Variants in ARMC9 observed in about 807,000 individuals in gnomAD.
ARMC9 encodes the protein lisH domain-containing protein ARMC9.
A neutral mutation model predicts 107.0 loss-of-function variants in ARMC9; 94 were observed. That is an observed-to-expected ratio of 0.88 (90% CI 0.74 to 1.04). The LOEUF is 1.04. Among genes scored for constraint, ARMC9 ranks in the 50% least tolerant of loss-of-function variants. ARMC9 has a pLI of 0.00. For synonymous variants in ARMC9, 380 were observed against 396.9 expected (o/e 0.96, Z 0.51); for missense variants, 942 against 1,030.1 (o/e 0.91, Z 1.17).
intron 19 of ARMC9, among the ~76,000 whole-genome samples, chr2:231,322,061 T>C (rs1234175992): frequency 6.6e-6 from 1 of 152,262 alleles, no homozygotes; most frequent in Admixed American, 6.5e-5. Flanking sequence ...GTTTCTGTCA[T>C]ATCCTTATTT....
At chr2:231,313,014 A>G (rs891158772) in intron 19 of ARMC9, among the ~76,000 whole-genome samples, 4 of 152,170 alleles carry the variant, frequency 2.6e-5, no homozygotes, top group Non-Finnish European at 5.9e-5. Context: ...GCCCAGGTCT[A>G]TTCTATATCC....
rs1260716831 is a variant in ARMC9, at chr2:231,374,253, A to G, written c.*2718A>G. ...GCCCTTGAAAACTACCAAGGAAGCC[A>G]CAGAGAGGGATCTTTGGACCTTCTG... On this transcript the variant is annotated 3_prime_UTR_variant, in exon 25 of 25. Coordinates refer to ENST00000611582, the MANE Select transcript of ARMC9 (RefSeq NM_001352754.2). 1.3e-5 allele frequency: 2 copies of G among 152,202 alleles called. No individual in the cohort carries two copies. Among genetic ancestry groups the G allele is most frequent in the Non-Finnish European group, 2.9e-5 (2 of 68,034 alleles). 9.4% of individuals were successfully genotyped at this position (152,202 alleles called of 1,614,324 possible). A position where few individuals can be genotyped will look rare whatever the true frequency, so the allele number is the denominator to read the frequency against.
chr2:231,260,855 A>G (rs537189438), intron 11 of ARMC9, among the ~76,000 whole-genome samples: 3 of 152,240 alleles, frequency 2.0e-5, no homozygotes, highest in Non-Finnish European at 4.4e-5. Flanking sequence ...CAGAATAACC[A>G]GGAAAAGTGA....
chr2:231,205,079 G>A (rs1275634185), intron 1 of ARMC9, among the ~76,000 whole-genome samples: 8 of 151,980 alleles, frequency 5.3e-5, no homozygotes, highest in African/African-American at 1.7e-4. Context: ...AGACTCAGAA[G>A]AGATCTGACT....
chr2:231,215,735 G>C (rs944973705), intron 4 of ARMC9, among the ~76,000 whole-genome samples: 1 of 152,172 alleles, frequency 6.6e-6, no homozygotes, highest in East Asian at 1.9e-4. Context: ...TATGGACCAA[G>C]GTGAACACAT....
chr2:231,365,544 A>G (rs2045779818), intron 23 of ARMC9, among the ~76,000 whole-genome samples: 1 of 152,184 alleles, frequency 6.6e-6, no homozygotes, highest in Non-Finnish European at 1.5e-5. Context: ...GAGGGTTCAT[A>G]ACCGGCTCTC....
intron 23 of ARMC9, among the ~76,000 whole-genome samples, chr2:231,369,456 G>T (rs554678399): frequency 1.3e-5 from 2 of 151,666 alleles, no homozygotes; most frequent in African/African-American, 4.8e-5. Flanking sequence ...CCATGCCTGG[G>T]TAATTTTTGT....
chr2:231,370,252 G>A, intron 24 of ARMC9, 127 bp downstream of exon 24: 3 of 1,116,980 alleles, frequency 2.7e-6, no homozygotes, highest in Non-Finnish European at 3.6e-6. Flanking sequence ...AGGGCAGAAG[G>A]CCTGCTTCCC....
intron 1 of ARMC9, among the ~76,000 whole-genome samples, chr2:231,205,309 G>C (rs1053402009): frequency 2.6e-5 from 4 of 152,050 alleles, no homozygotes; most frequent in Non-Finnish European, 5.9e-5. Flanking sequence ...GTTTTAGCTT[G>C]CAGTGAGCTA....
chr2:231,311,940 C>A (rs1035348698), intron 19 of ARMC9, among the ~76,000 whole-genome samples: 5 of 152,028 alleles, frequency 3.3e-5, no homozygotes, highest in African/African-American at 1.2e-4. Context: ...CACCACCCAC[C>A]CCCTCAAGTT....
At chr2:231,361,294 C>T (rs2045567357) in intron 23 of ARMC9, among the ~76,000 whole-genome samples, 1 of 151,970 alleles carries the variant, frequency 6.6e-6, no homozygotes, top group Non-Finnish European at 1.5e-5. Flanking sequence ...GAGGTCACTT[C>T]CTGAAACAGA....
intron 1 of ARMC9, among the ~76,000 whole-genome samples, chr2:231,204,099 A>G (rs2031567415): frequency 6.7e-6 from 1 of 149,836 alleles, no homozygotes; most frequent in African/African-American, 2.5e-5. Flanking sequence ...GCTTGAGTCC[A>G]GGAGTTTGAG....
At chr2:231,309,908 C>T (rs970929894) in intron 19 of ARMC9, among the ~76,000 whole-genome samples, 1 of 152,064 alleles carries the variant, frequency 6.6e-6, no homozygotes, top group Non-Finnish European at 1.5e-5. Flanking sequence ...TCTGTTTACT[C>T]AAATTGAGCC....
chr2:231,251,997 AT>A (rs1431456437), intron 9 of ARMC9, among the ~76,000 whole-genome samples: 3 of 152,132 alleles, frequency 2.0e-5, no homozygotes, highest in Non-Finnish European at 2.9e-5. Context: ...AGCTTTGTTT[AT>A]TTTATTAGAT....
chr2:231,340,812 C>T (rs888353661), intron 20 of ARMC9, among the ~76,000 whole-genome samples: 8 of 152,130 alleles, frequency 5.3e-5, no homozygotes, highest in South Asian at 2.1e-4. Flanking sequence ...CGCTTGAACC[C>T]GGGAGACGGA....
chr2:231,345,204 T>G (rs1027344189), intron 21 of ARMC9, 114 bp downstream of exon 21: 30 of 1,508,904 alleles, frequency 2.0e-5, no homozygotes, highest in South Asian at 7.7e-5. Flanking sequence ...TGAAAAGCAT[T>G]TATCTCTTTA....
chr2:231,309,436 G>C (rs1163637064), intron 19 of ARMC9, among the ~76,000 whole-genome samples: 1 of 152,108 alleles, frequency 6.6e-6, no homozygotes, highest in East Asian at 1.9e-4. Context: ...ATGTAGTGAA[G>C]CATATTTCTA....
At chr2:231,268,330 T>G (rs1002410806) in intron 12 of ARMC9, among the ~76,000 whole-genome samples, 1 of 152,196 alleles carries the variant, frequency 6.6e-6, no homozygotes, top group Non-Finnish European at 1.5e-5. Context: ...CAATGCCCTG[T>G]GTAGATGCTA....
intron 9 of ARMC9, 155 bp downstream of exon 9, chr2:231,240,196 GT>G: frequency 1.4e-6 from 1 of 710,910 alleles, no homozygotes. Flanking sequence ...AAATAAATCT[GT>G]TTTTGAAGAG....
Sources: gnomAD v4.1 joint callset for allele counts (sites outside exome capture counted in the v4.1 genomes callset) on GRCh38, gnomAD v4.1.1 for gene constraint, MANE v1.5 for transcripts, NCBI Gene and HGNC (gene_info 2026-07-23, HGNC 2026-07-21) for gene names.